TERT: variants seen among roughly 807,000 people sequenced by gnomAD.
TERT encodes telomerase catalytic subunit.
In TERT, 42 loss-of-function variants were observed where a neutral mutation model predicts 104.0. The ratio of observed to expected loss-of-function variants is 0.40; its 90% CI spans 0.32 to 0.52. The LOEUF is 0.52. Among genes scored for constraint, TERT ranks in the 20% least tolerant of loss-of-function variants. The pLI, the probability that TERT is intolerant of heterozygous loss-of-function variation, is 0.43. For synonymous variants in TERT, 781 were observed against 725.6 expected (o/e 1.08, Z -1.23); for missense variants, 1,101 against 1,610.3 (o/e 0.68, Z 5.41).
In TERT at chr5:1,294,461, C is replaced by A; in HGVS notation, c.425G>T (p.Arg142Leu). ...RGSGAWGLLL[R>L]RVGDDVLVHL... ...AACCAGCACGTCGTCGCCCACGCGG[C>A]GCAGCAGCAGCCCCCACGCCCCGCT... is the stretch of plus-strand genomic sequence containing the variant. Residue 142 changes from arginine to leucine, a missense_variant, in exon 2 of 16, where the codon CGC becomes CTC. Physicochemically the swap from Arg to Leu is moderately radical, Grantham distance 102 (BLOSUM62 -2). This residue lies in a region of TERT where 47 missense variants were observed against 105.3 expected (regional missense o/e 0.45). Coordinates refer to ENST00000310581, the MANE Select transcript of TERT (RefSeq NM_198253.3). The A allele has an allele frequency of 6.3e-7, 1 of 1,591,768 alleles. No homozygotes were observed.
rs970183271 is a variant in TERT, at chr5:1,270,709, G to A, written c.2468+410C>T. ...ACGACAGGGACAGGAATGAGAATCGGATAAAATCCTTTTGTATCGGGAGAG... is the reference window on the plus strand; with the variant it reads ...ACGACAGGGACAGGAATGAGAATCGAATAAAATCCTTTTGTATCGGGAGAG... On this transcript the variant is annotated intron_variant, in intron 8 of 15. Coordinates refer to ENST00000310581, the MANE Select transcript of TERT (RefSeq NM_198253.3). The surrounding 1 kb of genome is among the most constrained non-coding windows in gnomAD (Gnocchi z 8.3). Among the ~76,000 whole-genome samples, 2 of 152,250 alleles carry A rather than the reference G, an allele frequency of 1.3e-5. No individual in the cohort carries two copies. The highest frequency in any genetic ancestry group is 2.9e-5 in the Non-Finnish European group (2 of 68,048).
At chr5:1,276,036 A>G (rs1404832026) in intron 6 of TERT, among the ~76,000 whole-genome samples, 3 of 115,460 alleles carry the variant, frequency 2.6e-5, no homozygotes, top group South Asian at 6.3e-4. Flanking sequence ...AATCCCACAG[A>G]TCCCCACCTA....
intron 2 of TERT, chr5:1,282,868 C>A: frequency 1.7e-6 from 1 of 585,272 alleles, no homozygotes; most frequent in South Asian, 1.8e-5. Flanking sequence ...CGAACTCACC[C>A]CGGACCTGCA....
At chr5:1,279,954 A>T (rs1749903620) in intron 4 of TERT, among the ~76,000 whole-genome samples, 1 of 152,008 alleles carries the variant, frequency 6.6e-6, no homozygotes, top group Non-Finnish European at 1.5e-5. Flanking sequence ...CTGCCCCAGG[A>T]GCTCCCCCTA....
chr5:1,273,793 C>T (rs866618418), intron 6 of TERT, among the ~76,000 whole-genome samples: 4 of 137,242 alleles, frequency 2.9e-5, no homozygotes, highest in Admixed American at 7.5e-5. Flanking sequence ...TGTGACCAAC[C>T]GCCATCCACA....
In TERT at chr5:1,255,270, C is replaced by G. The variant is rs2126562187; in HGVS notation, c.3157+17G>C. 1 of 1,612,736 alleles carries G rather than the reference C, an allele frequency of 6.2e-7. No homozygotes were observed. Among genetic ancestry groups the G allele is most frequent in the Non-Finnish European group, 8.5e-7 (1 of 1,179,492 alleles). The stretch of plus-strand genomic sequence containing the variant: ...AGGCAGGCACTGCTGCCACTGAGGC[C>G]AGGCACCTGCACATACCTGCGTTCT... On this transcript the variant is annotated intron_variant, in intron 14 of 15. Coordinates refer to ENST00000310581, the MANE Select transcript of TERT (RefSeq NM_198253.3). This position sits in a 1 kb window ranked among gnomAD's most constrained non-coding sequence, Gnocchi z 6.9.
chr5:1,264,838 G>A (rs1459300947), intron 10 of TERT, among the ~76,000 whole-genome samples: 6 of 152,156 alleles, frequency 3.9e-5, no homozygotes, highest in African/African-American at 1.4e-4. Flanking sequence ...GGGACAGCCA[G>A]GACTCAGATG....
intron 2 of TERT, among the ~76,000 whole-genome samples, chr5:1,289,297 G>T (rs548246093): frequency 7.0e-6 from 1 of 142,198 alleles, no homozygotes; most frequent in African/African-American, 2.7e-5. Context: ...CAGGGACGGC[G>T]CCTCACTCAC....
rs1033845124 is a variant in TERT, at chr5:1,294,625, C to A, written c.261G>T (p.Arg87Ser). The change falls in exon 2 of 16, where the codon AGG (arginine) becomes AGT (serine). Residue 87 changes from arginine to serine, a missense_variant. Arg to Ser is a moderately radical substitution (Grantham distance 110). This residue lies in a region of TERT where 87 missense variants were observed against 145.4 expected (regional missense o/e 0.60). Transcript: ENST00000310581. ...LKELVARVLQ[R>S]LCERGAKNVL... is the part of the protein sequence containing the mutation. ...CGTTCTTCGCGCCGCGCTCGCACAG[C>A]CTCTGCAGCACTCGGGCCACCAGCT... The A allele has an allele frequency of 6.3e-7, 1 of 1,596,376 alleles. No individual in the cohort carries two copies. Among genetic ancestry groups the A allele is most frequent in the Non-Finnish European group, 8.5e-7 (1 of 1,179,008 alleles).
At chr5:1,254,594 G>T in intron 14 of TERT, 89 bp from the exon 15 acceptor site, 1 of 1,480,654 alleles carries the variant, frequency 6.8e-7, no homozygotes, top group Non-Finnish European at 9.1e-7. Flanking sequence ...CCGACGGTCT[G>T]CGGGGTGGCT....
rs543483565 is a variant in TERT at position 1,283,492 on chromosome 5, C to T, written c.1574-868G>A. 2.7e-5 allele frequency among the ~76,000 whole-genome samples: 4 copies of T among 147,410 alleles called. No homozygotes were observed. In the East Asian group the frequency reaches 8.3e-4, roughly 30 times the overall value. On this transcript the variant is annotated intron_variant, in intron 2 of 15. Coordinates refer to ENST00000310581, the MANE Select transcript of TERT (RefSeq NM_198253.3). ...TGACCTCACCCCGGACCTGCACCAT[C>T]CGGACACCGCATATCCAGCTAACCG...
chr5:1,282,380 G>T, intron 3 of TERT, 49 bp downstream of exon 3: 1 of 1,588,018 alleles, frequency 6.3e-7, no homozygotes, highest in Non-Finnish European at 8.6e-7. Flanking sequence ...AGGCCGGGCT[G>T]GTGTTCCAGG....
In TERT at chr5:1,268,392, C is replaced by T. The variant is rs1313075247; in HGVS notation, c.2582+128G>A. 3 of 754,650 alleles carry T rather than the reference C, an allele frequency of 4.0e-6. No individual in the cohort carries two copies. The highest frequency in any genetic ancestry group is 1.7e-5 in the African/African-American group (1 of 57,830). The allele number at this position is 754,650 out of a possible 1,614,324, so 46.7% of individuals were successfully genotyped here. A position where few individuals can be genotyped will look rare whatever the true frequency, so the allele number is the denominator to read the frequency against. ...CGTGCGGCTTCATACCAAGAAGGGG[C>T]TGCAACCTTGTCTGGTTCCTCAAGA... On this transcript the variant is annotated intron_variant, in intron 9 of 15. Coordinates refer to ENST00000310581, the MANE Select transcript of TERT (RefSeq NM_198253.3). This position sits in a 1 kb window ranked among gnomAD's most constrained non-coding sequence, Gnocchi z 5.5.
chr5:1,294,505 C>T lies in TERT; in HGVS notation c.381G>A (p.Val127=). The change falls in exon 2 of 16, where the codon GTG becomes GTA. Residue 127 remains valine, a synonymous_variant. Transcript: ENST00000310581. ...TSVRSYLPNT[V]TDALRGSGAW... ...CCCCGCTCCCCCGCAGTGCGTCGGT[C>T]ACCGTGTTGGGCAGGTAGCTGCGCA... is the stretch of plus-strand genomic sequence containing the variant. 6.3e-7 allele frequency: 1 copy of T among 1,583,768 alleles called. No individual in the cohort carries two copies. The highest frequency in any genetic ancestry group is 8.5e-7 in the Non-Finnish European group (1 of 1,172,796).
rs1167881344 is a variant in TERT at position 1,270,093 on chromosome 5, C to T, written c.2468+1026G>A. On this transcript the variant is annotated intron_variant, in intron 8 of 15. Transcript: ENST00000310581. The surrounding 1 kb of genome is among the most constrained non-coding windows in gnomAD (Gnocchi z 8.3). ...CAGCGAATTCTGTGGGCCTGGGGGC[C>T]GCTTACACACATGTGCACACGTGTC... is the stretch of plus-strand genomic sequence containing the variant. 4.6e-5 allele frequency among the ~76,000 whole-genome samples: 7 copies of T among 152,126 alleles called. No homozygotes were observed. The highest frequency in any genetic ancestry group is 7.2e-5 in the African/African-American group (3 of 41,412).
rs1291977172 is a variant in TERT at position 1,292,042 on chromosome 5, C to A, written c.1573+1271G>T. On this transcript the variant is annotated intron_variant, in intron 2 of 15. Transcript: ENST00000310581. This position sits in a 1 kb window ranked among gnomAD's most constrained non-coding sequence, Gnocchi z 5.5. ...TTCAAGCAACCTGCTGTAAACACCG[C>A]CGAGTTAGCAATTCTGCACTGTACA... Among the ~76,000 whole-genome samples, 1 of 152,162 alleles carries A rather than the reference C, an allele frequency of 6.6e-6. No homozygotes were observed. The highest frequency in any genetic ancestry group is 2.4e-5 in the African/African-American group (1 of 41,424).
rs2853677 is a variant in TERT at position 1,287,079 on chromosome 5, G to A, written c.1574-4455C>T. ...CAAGTGGAGAATCAGAGTGCACCAG[G>A]CGGGTCTCTAGTGACAAAAAAATGA... On this transcript the variant is annotated intron_variant, in intron 2 of 15. Transcript: ENST00000310581. This position sits in a 1 kb window ranked among gnomAD's most constrained non-coding sequence, Gnocchi z 4.3. 0.63 allele frequency among the ~76,000 whole-genome samples: 95,029 copies of A among 151,954 alleles called. 30,173 individuals carry two copies. Among genetic ancestry groups the A allele is most frequent in the African/African-American group, 0.73 (30,068 of 41,424 alleles).
intron 6 of TERT, among the ~76,000 whole-genome samples, chr5:1,277,671 G>A (rs1003883609): frequency 7.3e-5 from 11 of 150,872 alleles, no homozygotes; most frequent in African/African-American, 2.7e-4. Flanking sequence ...TGGGGACGGG[G>A]GGGTCTCCTG....
chr5:1,293,072 G>C (rs556926862), intron 2 of TERT, among the ~76,000 whole-genome samples: 172 of 152,314 alleles, frequency 1.1e-3, no homozygotes, highest in African/African-American at 3.9e-3. Flanking sequence ...CTCTGGCCTC[G>C]GCGCCTGGAA....
Sources: gnomAD v4.1 joint callset for allele counts (sites outside exome capture counted in the v4.1 genomes callset) on GRCh38, gnomAD v4.1.1 for gene constraint, gnomAD v4.1.1 regional missense constraint, Gnocchi (gnomAD v3.1) non-coding constraint, MANE v1.5 for transcripts, NCBI Gene and HGNC (gene_info 2026-07-23, HGNC 2026-07-21) for gene names.